Variants in MTPN observed in about 807,000 individuals in gnomAD.
The protein encoded by MTPN is granule cell differentiation protein.
Under a neutral mutation model 13.5 loss-of-function variants are expected in MTPN, and 2 were observed. The ratio of observed to expected loss-of-function variants is 0.15; its 90% CI spans 0.06 to 0.47. MTPN has a LOEUF of 0.47. Among genes scored for constraint, MTPN ranks in the 20% least tolerant of loss-of-function variants. MTPN has a pLI of 0.97. For synonymous variants in MTPN, 46 were observed against 51.7 expected, an observed-to-expected ratio of 0.89 and a Z score of 0.48; for missense variants, 79 against 137.9, an observed-to-expected ratio of 0.57 and a Z score of 2.14.
chr7:135,927,548 C>A lies in MTPN; in HGVS notation c.*2378G>T. On this transcript the variant is annotated 3_prime_UTR_variant, in exon 4 of 4. Transcript: ENST00000393085. ...AACCTTTCGCTAATGCATGTAGTAC[C>A]AGAAAGCAAACATGGTTTTAGCTTC... 1 of 769,196 alleles carries A rather than the reference C, an allele frequency of 1.3e-6. No individual in the cohort carries two copies. The highest frequency in any genetic ancestry group is 2.2e-6 in the Non-Finnish European group (1 of 455,308). 47.6% of individuals were successfully genotyped at this position (769,196 alleles called of 1,614,324 possible).
chr7:135,968,197 T>G (rs1799635427), intron 1 of MTPN, among the ~76,000 whole-genome samples: 1 of 152,176 alleles, frequency 6.6e-6, no homozygotes, highest in Admixed American at 6.5e-5. Context: ...CAAATTGAAA[T>G]CTTCCTAAAA....
intron 1 of MTPN, among the ~76,000 whole-genome samples, chr7:135,973,512 T>C (rs886708293): frequency 6.6e-6 from 1 of 151,978 alleles, no homozygotes; most frequent in African/African-American, 2.4e-5. Flanking sequence ...AATTTGGAAT[T>C]TGTCTGAACA....
At chr7:135,930,626 C>T (rs1047217538) in intron 3 of MTPN, among the ~76,000 whole-genome samples, 6 of 152,142 alleles carry the variant, frequency 3.9e-5, no homozygotes, top group African/African-American at 9.7e-5. Context: ...TTATCTGCAA[C>T]GCGGCATTCT....
chr7:135,972,220 C>T lies in MTPN; in HGVS notation c.72+4809G>A, dbSNP rs949920689. The stretch of plus-strand genomic sequence containing the variant: ...GGTTATAAATACACACGCGCACACG[C>T]GCACGCGCGCGCACACACACACACA... On this transcript the variant is annotated intron_variant, in intron 1 of 3. Transcript: ENST00000393085. Among the ~76,000 whole-genome samples, 9 of 79,832 alleles carry T rather than the reference C, an allele frequency of 1.1e-4. No homozygotes were observed. In the East Asian group the frequency reaches 1.7e-3, roughly 15 times the overall value. The allele number at this position is 79,832 out of a possible 152,430, so 52.4% of individuals were successfully genotyped here.
At chr7:135,933,489 C>T (rs927506325) in intron 3 of MTPN, among the ~76,000 whole-genome samples, 4 of 152,130 alleles carry the variant, frequency 2.6e-5, no homozygotes, top group African/African-American at 7.2e-5. Flanking sequence ...AATTTGCCAG[C>T]TTTTCTATTT....
Position 135,927,987 on chromosome 7 carries a change from A to AT in MTPN, c.*1938_*1939insA. On this transcript the variant is annotated 3_prime_UTR_variant, in exon 4 of 4. Transcript: ENST00000393085. ...CAAGCCTTTAAATAGCATTATGTCAAGAGGTGAAAACAAAGGTATCAAAAC... is the reference window on the plus strand; with the variant it reads ...CAAGCCTTTAAATAGCATTATGTCAATGAGGTGAAAACAAAGGTATCAAAAC... 7.1e-6 allele frequency: 2 copies of AT among 281,342 alleles called. No individual in the cohort carries two copies. Among genetic ancestry groups the AT allele is most frequent in the South Asian group, 3.9e-5 (1 of 25,962 alleles). 17.4% of individuals were successfully genotyped at this position (281,342 alleles called of 1,614,324 possible).
At chr7:135,930,209 A>C (rs1798996692) in intron 3 of MTPN, among the ~76,000 whole-genome samples, 197 bp from the exon 4 acceptor site, 1 of 152,238 alleles carries the variant, frequency 6.6e-6, no homozygotes. Context: ...ATTATTTTTC[A>C]GGCACTAAGA....
chr7:135,954,950 A>T (rs1381592059), intron 1 of MTPN, among the ~76,000 whole-genome samples: 2 of 152,192 alleles, frequency 1.3e-5, no homozygotes, highest in Non-Finnish European at 2.9e-5. Context: ...CTCAAAAAAT[A>T]AAAAATGTTA....
Position 135,927,407 on chromosome 7 carries a change from C to A in MTPN, c.*2519G>T, listed in dbSNP as rs951880192. The A allele has an allele frequency of 2.6e-6, 4 of 1,548,950 alleles. No homozygotes were observed. In the African/African-American group the frequency reaches 5.5e-5, roughly 21 times the overall value. Reference sequence around the variant, plus strand: ...TACACTACTATAAACAGGTAAACTACCTGTTTGTACTTGATATAGTGCATA... The same window carrying A: ...TACACTACTATAAACAGGTAAACTAACTGTTTGTACTTGATATAGTGCATA... On this transcript the variant is annotated 3_prime_UTR_variant, in exon 4 of 4. Coordinates refer to ENST00000393085, the MANE Select transcript of MTPN (RefSeq NM_145808.4).
Position 135,961,247 on chromosome 7 carries a change from T to C in MTPN, c.73-9617A>G, listed in dbSNP as rs191036050. On this transcript the variant is annotated intron_variant, in intron 1 of 3. Coordinates refer to ENST00000393085, the MANE Select transcript of MTPN (RefSeq NM_145808.4). Reference sequence around the variant, plus strand: ...ACCAGAACAGGAACAGAAAGTTTTCTGAACTCAGGAAAGACCTGAGCCTAT... The same window carrying C: ...ACCAGAACAGGAACAGAAAGTTTTCCGAACTCAGGAAAGACCTGAGCCTAT... Among the ~76,000 whole-genome samples, 270 of 152,198 alleles carry C rather than the reference T, an allele frequency of 1.8e-3. 2 individuals are homozygous for C. The highest frequency in any genetic ancestry group is 7.5e-3 in the South Asian group (36 of 4,810).
intron 1 of MTPN, among the ~76,000 whole-genome samples, chr7:135,964,537 C>T (rs185209131): frequency 1.3e-5 from 2 of 152,122 alleles, no homozygotes; most frequent in East Asian, 1.9e-4. Context: ...GAAAAGATTT[C>T]GCAGAATCTA....
In MTPN at chr7:135,929,754, C is replaced by T. The variant is rs1393969879; in HGVS notation, c.*172G>A. 1 of 656,068 alleles carries T rather than the reference C, an allele frequency of 1.5e-6. No homozygotes were observed. Among genetic ancestry groups the T allele is most frequent in the African/African-American group, 1.8e-5 (1 of 54,572 alleles). The allele number at this position is 656,068 out of a possible 1,614,324, so 40.6% of individuals were successfully genotyped here. ...ATCATGGTTCCTTTTGCCCCTCCTC[C>T]AAAACAATTTTTTTTTTCTGGTAGT... On this transcript the variant is annotated 3_prime_UTR_variant, in exon 4 of 4. Coordinates refer to ENST00000393085, the MANE Select transcript of MTPN (RefSeq NM_145808.4).
chr7:135,941,372 C>T, intron 3 of MTPN, among the ~76,000 whole-genome samples: 1 of 152,236 alleles, frequency 6.6e-6, no homozygotes, highest in East Asian at 1.9e-4. Flanking sequence ...CACCACTCTG[C>T]TTCTCCAACA....
intron 3 of MTPN, among the ~76,000 whole-genome samples, chr7:135,934,654 AAC>A (rs1265254048): frequency 6.6e-6 from 1 of 152,196 alleles, no homozygotes; most frequent in Non-Finnish European, 1.5e-5. Context: ...CTGTTCTGAA[AAC>A]ACTTTGAAAT....
At chr7:135,969,998 C>T (rs770780527) in intron 1 of MTPN, among the ~76,000 whole-genome samples, 1 of 152,034 alleles carries the variant, frequency 6.6e-6, no homozygotes, top group Non-Finnish European at 1.5e-5. Flanking sequence ...CCTAAGCTGA[C>T]GAAACTCATG....
At chr7:135,957,436 C>A (rs1402996425) in intron 1 of MTPN, among the ~76,000 whole-genome samples, 2 of 151,964 alleles carry the variant, frequency 1.3e-5, no homozygotes, top group African/African-American at 4.8e-5. Flanking sequence ...ATTCTGGCAA[C>A]CCGAGATTAG....
intron 1 of MTPN, among the ~76,000 whole-genome samples, chr7:135,964,416 C>T (rs568127642): frequency 6.6e-6 from 1 of 151,998 alleles, no homozygotes; most frequent in African/African-American, 2.4e-5. Context: ...AACTGCTAAC[C>T]AGCCTTCTCT....
chr7:135,963,981 T>G (rs912957751), intron 1 of MTPN, among the ~76,000 whole-genome samples: 1 of 152,020 alleles, frequency 6.6e-6, no homozygotes, highest in African/African-American at 2.4e-5. Flanking sequence ...AATTAAAATT[T>G]TAATAACAAA....
intron 1 of MTPN, among the ~76,000 whole-genome samples, chr7:135,967,300 T>C (rs1464238246): frequency 6.6e-6 from 1 of 151,930 alleles, no homozygotes; most frequent in Non-Finnish European, 1.5e-5. Flanking sequence ...CAAGAAACAA[T>C]AAACTGCACA....
Sources: gnomAD v4.1 joint callset for allele counts (sites outside exome capture counted in the v4.1 genomes callset) on GRCh38, gnomAD v4.1.1 for gene constraint, MANE v1.5 for transcripts, NCBI Gene and HGNC (gene_info 2026-07-23, HGNC 2026-07-21) for gene names.